The following TMEM185A variants were observed in gnomAD, a reference collection of about 807,000 sequenced individuals.
The protein encoded by TMEM185A is family with sequence similarity 11, member A.
In TMEM185A, 9 loss-of-function variants were observed where a neutral mutation model predicts 25.0. The ratio of observed to expected loss-of-function variants is 0.36; its 90% confidence interval spans 0.22 to 0.63. The LOEUF (loss-of-function observed/expected upper bound fraction) is 0.63, where lower values mean the gene tolerates loss of function less well. Among genes scored for constraint, TMEM185A ranks in the 20% least tolerant of loss-of-function variants. TMEM185A has a pLI of 0.68. For synonymous variants in TMEM185A, 45 were observed against 93.5 expected, an observed-to-expected ratio of 0.48 and a Z score of 2.99; for missense variants, 103 against 237.4, an observed-to-expected ratio of 0.43 and a Z score of 3.72.
chrX:149,622,075 T>C lies in TMEM185A; in HGVS notation c.38+9468A>G, dbSNP rs138964625. Among the ~76,000 whole-genome samples, 1,088 of 112,286 alleles carry C rather than the reference T, an allele frequency of 9.7e-3. 12 individuals are homozygous for C. Among genetic ancestry groups the C allele is most frequent in the African/African-American group, 0.034 (1,044 of 30,905 alleles). On this transcript the variant is annotated intron_variant, in intron 1 of 6. Coordinates refer to ENST00000600449, the MANE Select transcript of TMEM185A (RefSeq NM_032508.4). The stretch of plus-strand genomic sequence containing the variant: ...GCTTCCTAGATTAAGAAAGTAAACC[T>C]GTTACATTCAAGAGTTACGCTTGGA...
At chrX:149,623,974 T>C (rs781860179) in intron 1 of TMEM185A, among the ~76,000 whole-genome samples, 1 of 112,570 alleles carries the variant, frequency 8.9e-6, no homozygotes, top group East Asian at 2.8e-4. Flanking sequence ...CACAATAATA[T>C]GCAATAATAC....
chrX:149,603,292 CTTTT>C (rs1180036279), intron 4 of TMEM185A, among the ~76,000 whole-genome samples: 7 of 103,544 alleles, frequency 6.8e-5, no homozygotes, highest in African/African-American at 1.7e-4. Context: ...ATGGGTATGG[CTTTT>C]TTTTTTTTTC....
chrX:149,629,853 T>C (rs977355820), intron 1 of TMEM185A, among the ~76,000 whole-genome samples: 2 of 112,340 alleles, frequency 1.8e-5, no homozygotes, highest in Non-Finnish European at 3.8e-5. Flanking sequence ...CTCTGTCACC[T>C]TGCAAACAAG....
chrX:149,629,398 C>G (rs968689939), intron 1 of TMEM185A, among the ~76,000 whole-genome samples: 8 of 111,513 alleles, frequency 7.2e-5, no homozygotes, highest in Non-Finnish European at 1.5e-4. Flanking sequence ...AGAAGGCCTT[C>G]CTCAGCATGG....
At chrX:149,603,826 G>A (rs782314307) in intron 4 of TMEM185A, 161 bp downstream of exon 4, 13 of 399,611 alleles carry the variant, frequency 3.3e-5, no homozygotes, top group African/African-American at 2.5e-5. Context: ...ATAAAACACA[G>A]ACATAAAAAC....
chrX:149,625,916 G>A (rs918976383), intron 1 of TMEM185A, among the ~76,000 whole-genome samples: 6 of 111,889 alleles, frequency 5.4e-5, no homozygotes, highest in Non-Finnish European at 1.1e-4. Context: ...GTAAATAGAG[G>A]GTTCCTTAGC....
chrX:149,630,568 C>T (rs142183010), intron 1 of TMEM185A, among the ~76,000 whole-genome samples: 1,387 of 112,078 alleles, frequency 0.012, 20 homozygotes, highest in African/African-American at 0.043. Context: ...TTTAAGAGAT[C>T]AGTTAGGCCA....
At chrX:149,620,132 A>G (rs1187747656) in intron 1 of TMEM185A, among the ~76,000 whole-genome samples, 1 of 111,840 alleles carries the variant, frequency 8.9e-6, no homozygotes, top group East Asian at 2.8e-4. Context: ...CCATCCCATT[A>G]CTGGGTATAT....
chrX:149,602,556 C>T (rs148934738), intron 4 of TMEM185A, among the ~76,000 whole-genome samples: 65 of 112,476 alleles, frequency 5.8e-4, no homozygotes, highest in African/African-American at 2.0e-3. Flanking sequence ...TCTCAATAGG[C>T]TTCCTTGTTT....
chrX:149,615,321 G>C (rs782139611), intron 1 of TMEM185A, among the ~76,000 whole-genome samples: 1 of 111,944 alleles, frequency 8.9e-6, no homozygotes, highest in Admixed American at 9.5e-5. Flanking sequence ...GAAAAGAAGA[G>C]CATCTATGAA....
At chrX:149,627,067 C>A (rs1316673583) in intron 1 of TMEM185A, among the ~76,000 whole-genome samples, 5 of 111,695 alleles carry the variant, frequency 4.5e-5, no homozygotes, top group Non-Finnish European at 9.4e-5. Context: ...TTTCACTACT[C>A]CTCCTCAGCA....
At chrX:149,613,555 G>A (rs1201126318) in intron 1 of TMEM185A, among the ~76,000 whole-genome samples, 1 of 112,156 alleles carries the variant, frequency 8.9e-6, no homozygotes, top group Non-Finnish European at 1.9e-5. Context: ...GGAGGCTCCA[G>A]AAAGGAATAG....
At chrX:149,631,081 G>A (rs1557356560) in intron 1 of TMEM185A, among the ~76,000 whole-genome samples, 1 of 110,635 alleles carries the variant, frequency 9.0e-6, no homozygotes, top group Non-Finnish European at 1.9e-5. Context: ...AGAGGGATGG[G>A]CATAAACCCA....
At position 149,627,717 on chromosome X, in the gene TMEM185A, T is replaced by G. The variant is rs974190511; in HGVS notation, c.38+3826A>C. 8.9e-5 allele frequency among the ~76,000 whole-genome samples: 10 copies of G among 112,596 alleles called. No homozygotes were observed. In the Admixed American group the frequency reaches 9.4e-4, roughly 11 times the overall value. ...TTCACTGTAATGCCTCATACTCTAT[T>G]GAATTCTTATTTCCCTTTCATTTCT... On this transcript the variant is annotated intron_variant, in intron 1 of 6. Transcript: ENST00000600449.
At chrX:149,619,339 T>C (rs894685280) in intron 1 of TMEM185A, among the ~76,000 whole-genome samples, 2 of 111,976 alleles carry the variant, frequency 1.8e-5, no homozygotes, top group Non-Finnish European at 3.8e-5. Context: ...TGGTAGCAGA[T>C]ACAACTTTTC....
At chrX:149,617,437 G>T (rs2090116176) in intron 1 of TMEM185A, among the ~76,000 whole-genome samples, 1 of 111,132 alleles carries the variant, frequency 9.0e-6, no homozygotes, top group Non-Finnish European at 1.9e-5. Flanking sequence ...AAAATTCAGA[G>T]ACATCCCATC....
chrX:149,619,441 T>TC (rs1396265352), intron 1 of TMEM185A, among the ~76,000 whole-genome samples: 6 of 111,190 alleles, frequency 5.4e-5, no homozygotes, highest in Non-Finnish European at 1.1e-4. Flanking sequence ...TCCTGCACTT[T>TC]CTTTTTTTGT....
intron 1 of TMEM185A, among the ~76,000 whole-genome samples, chrX:149,620,992 A>C (rs1441796615): frequency 8.9e-6 from 1 of 112,174 alleles, no homozygotes; most frequent in Non-Finnish European, 1.9e-5. Flanking sequence ...GAAATATTCC[A>C]AAATCTAAAA....
chrX:149,602,291 G>A (rs1273500483), intron 4 of TMEM185A: 3 of 112,040 alleles, frequency 2.7e-5, no homozygotes, highest in Non-Finnish European at 5.6e-5. Context: ...CATATTAACA[G>A]TGCCATTTCT....
Sources: allele counts gnomAD v4.1 joint callset (sites outside exome capture counted in the v4.1 genomes callset), GRCh38; gene constraint gnomAD v4.1.1; transcripts MANE v1.5; gene names NCBI Gene and HGNC (gene_info 2026-07-23, HGNC 2026-07-21).